LATS2: variants seen among roughly 807,000 people sequenced by gnomAD.
The protein encoded by LATS2 is large tumor suppressor kinase 2.
Under a neutral mutation model 76.0 loss-of-function variants are expected in LATS2, and 24 were observed. That is an observed-to-expected ratio of 0.32 (90% CI 0.23 to 0.44). The LOEUF is 0.44. Ranked by LOEUF, LATS2 falls within the 20% of genes least tolerant of loss-of-function variation. The pLI, the probability that LATS2 is intolerant of heterozygous loss-of-function variation, is 1.00. For synonymous variants in LATS2, 692 were observed against 635.4 expected, an observed-to-expected ratio of 1.09 and a Z score of -1.34; for missense variants, 1,286 against 1,481.2, an observed-to-expected ratio of 0.87 and a Z score of 2.16.
intron 2 of LATS2, among the ~76,000 whole-genome samples, chr13:21,030,724 T>C (rs923664658): frequency 6.6e-6 from 1 of 152,116 alleles, no homozygotes; most frequent in African/African-American, 2.4e-5. Flanking sequence ...TAAAGTATTG[T>C]TTTTACTTTA....
intron 2 of LATS2, among the ~76,000 whole-genome samples, chr13:21,002,397 A>T (rs552826015): frequency 6.9e-6 from 1 of 145,824 alleles, no homozygotes; most frequent in East Asian, 2.0e-4. Context: ...TTTTTGAGAC[A>T]GGGTCTCACT....
At chr13:21,046,284 G>A (rs1020123567) in intron 1 of LATS2, 54 bp from the exon 2 acceptor site, 3 of 389,604 alleles carry the variant, frequency 7.7e-6, no homozygotes, top group African/African-American at 2.0e-5. Context: ...TTCACGCAAC[G>A]TTAATGCTAC....
chr13:21,019,973 TAAA>T (rs528686392), intron 2 of LATS2, among the ~76,000 whole-genome samples: 6 of 112,126 alleles, frequency 5.4e-5, no homozygotes, highest in Admixed American at 9.5e-5. Flanking sequence ...AGACTCCATC[TAAA>T]AAAAAAAAAA....
At chr13:21,021,560 C>T (rs1872067028) in intron 2 of LATS2, among the ~76,000 whole-genome samples, 1 of 147,674 alleles carries the variant, frequency 6.8e-6, no homozygotes, top group South Asian at 2.2e-4. Flanking sequence ...AAAACAAAAC[C>T]CTTTGCCAAG....
chr13:21,032,595 A>G (rs562864561), intron 2 of LATS2, among the ~76,000 whole-genome samples: 1 of 152,100 alleles, frequency 6.6e-6, no homozygotes, highest in Admixed American at 6.5e-5. Flanking sequence ...TAAGCCCATC[A>G]GCTATCATTA....
At position 20,988,713 on chromosome 13, in the gene LATS2, T is replaced by G; in HGVS notation, c.1067A>C (p.Asn356Thr). 6.4e-7 allele frequency: 1 copy of G among 1,566,840 alleles called. No homozygotes were observed. The highest frequency in any genetic ancestry group is 8.6e-7 in the Non-Finnish European group (1 of 1,163,880). Residue 356 changes from asparagine (N) to threonine (T), a missense_variant, in exon 4 of 8, where the codon AAC becomes ACC. Asn to Thr is a moderately conservative substitution (Grantham distance 65). Transcript: ENST00000382592. ...GCTGCCCAATTCATACAGGTCCACG[T>G]TGAGGCTGTTCCGCGAGGGAGTGAG... ...SLLTPSRNSL[N>T]VDLYELGSTS...
chr13:20,996,126 G>T (rs905840852), intron 2 of LATS2, among the ~76,000 whole-genome samples: 2 of 152,164 alleles, frequency 1.3e-5, no homozygotes, highest in African/African-American at 4.8e-5. Flanking sequence ...TGGAGTTGAA[G>T]CCATCATATG....
At chr13:21,051,781 A>C (rs1400254513) in intron 1 of LATS2, among the ~76,000 whole-genome samples, 1 of 152,224 alleles carries the variant, frequency 6.6e-6, no homozygotes, top group African/African-American at 2.4e-5. Flanking sequence ...CAACAGAGGC[A>C]GACGGCATTT....
intron 2 of LATS2, among the ~76,000 whole-genome samples, chr13:21,039,847 G>T (rs1296816365): frequency 6.6e-6 from 1 of 152,170 alleles, no homozygotes; most frequent in African/African-American, 2.4e-5. Context: ...CTGAGGGTGA[G>T]TGGATCCCCT....
chr13:21,034,968 T>C (rs1040719648), intron 2 of LATS2, among the ~76,000 whole-genome samples: 1 of 152,214 alleles, frequency 6.6e-6, no homozygotes, highest in Non-Finnish European at 1.5e-5. Context: ...CAGTGGTTCA[T>C]GCCTGTAATC....
At chr13:21,030,898 A>C (rs947746844) in intron 2 of LATS2, among the ~76,000 whole-genome samples, 1 of 151,632 alleles carries the variant, frequency 6.6e-6, no homozygotes, top group African/African-American at 2.4e-5. Context: ...CTTTTAATAC[A>C]GGTCCCCTGG....
intron 2 of LATS2, among the ~76,000 whole-genome samples, chr13:21,033,160 A>G (rs1480825257): frequency 6.6e-6 from 1 of 152,144 alleles, no homozygotes; most frequent in African/African-American, 2.4e-5. Context: ...GAAAGTACTC[A>G]TTAACAGAAA....
intron 2 of LATS2, among the ~76,000 whole-genome samples, chr13:21,038,023 T>C (rs1423636315): frequency 6.6e-6 from 1 of 152,208 alleles, no homozygotes; most frequent in East Asian, 1.9e-4. Context: ...GGTGGACCGC[T>C]TGAGCCCAGG....
chr13:21,047,664 T>A (rs1240756498), intron 1 of LATS2, among the ~76,000 whole-genome samples: 2 of 151,506 alleles, frequency 1.3e-5, no homozygotes, highest in Admixed American at 6.6e-5. Context: ...TTTATAACTG[T>A]AAACCGCGAC....
Position 20,991,770 on chromosome 13 carries a change from T to G in LATS2, c.343-366A>C, listed in dbSNP as rs1276588024. The stretch of plus-strand genomic sequence containing the variant: ...TAGAAACATTTAAGGGGAAGAACTG[T>G]GGGAGTCAGGGAACCTGGCTTTAAC... On this transcript the variant is annotated intron_variant, in intron 2 of 7. Coordinates refer to ENST00000382592, the MANE Select transcript of LATS2 (RefSeq NM_014572.3). The surrounding 1 kb of genome is among the most constrained non-coding windows in gnomAD (Gnocchi z 4.9). Among the ~76,000 whole-genome samples, 4 of 152,168 alleles carry G rather than the reference T, an allele frequency of 2.6e-5. No individual in the cohort carries two copies. The highest frequency in any genetic ancestry group is 1.3e-4 in the Admixed American group (2 of 15,282).
chr13:20,990,690 C>G (rs778497546), intron 3 of LATS2, among the ~76,000 whole-genome samples: 1 of 152,048 alleles, frequency 6.6e-6, no homozygotes, highest in Admixed American at 6.6e-5. Context: ...CCTCAGGTAC[C>G]AATCACAGGG....
At chr13:20,981,935 C>G (rs985734188) in intron 5 of LATS2, among the ~76,000 whole-genome samples, 8 of 152,310 alleles carry the variant, frequency 5.3e-5, no homozygotes, top group South Asian at 4.1e-4. Flanking sequence ...GCACTGCAGG[C>G]AGGAGAGGCT....
At chr13:21,047,065 C>G (rs566291234) in intron 1 of LATS2, among the ~76,000 whole-genome samples, 1 of 152,106 alleles carries the variant, frequency 6.6e-6, no homozygotes, top group Admixed American at 6.6e-5. Flanking sequence ...GAAATGGCCT[C>G]GTTACATGGA....
intron 1 of LATS2, among the ~76,000 whole-genome samples, chr13:21,047,759 G>A (rs1030388500): frequency 1.3e-5 from 2 of 151,538 alleles, no homozygotes; most frequent in African/African-American, 2.4e-5. Flanking sequence ...TGTCAGGTGC[G>A]GTTCAAAGAA....
Sources: gnomAD v4.1 joint callset for allele counts (sites outside exome capture counted in the v4.1 genomes callset) on GRCh38, gnomAD v4.1.1 for gene constraint, Gnocchi (gnomAD v3.1) non-coding constraint, MANE v1.5 for transcripts, NCBI Gene and HGNC (gene_info 2026-07-23, HGNC 2026-07-21) for gene names.